TMEM260: variants seen among roughly 807,000 people sequenced by gnomAD.
TMEM260 encodes transmembrane protein 260.
Under a neutral mutation model 88.9 loss-of-function variants are expected in TMEM260, and 82 were observed. The observed-to-expected ratio is 0.92, with a 90% CI of 0.77 to 1.11. The LOEUF is 1.11. Among genes scored for constraint, TMEM260 ranks in the 50% least tolerant of loss-of-function variants. TMEM260 has a pLI of 0.00. For synonymous variants in TMEM260, 314 were observed against 309.3 expected (o/e 1.02, Z -0.16); for missense variants, 902 against 853.4 (o/e 1.06, Z -0.71).
intron 3 of TMEM260, among the ~76,000 whole-genome samples, chr14:56,596,176 T>A (rs2139528139): frequency 6.6e-6 from 1 of 152,146 alleles, no homozygotes; most frequent in South Asian, 2.1e-4. Context: ...AAAATATTTC[T>A]TTCCAAATAA....
intron 3 of TMEM260, among the ~76,000 whole-genome samples, chr14:56,599,244 C>T (rs901269310): frequency 6.6e-6 from 1 of 152,122 alleles, no homozygotes; most frequent in Non-Finnish European, 1.5e-5. Flanking sequence ...TCCTTTTGCC[C>T]TCCTGTCCCT....
Position 56,603,810 on chromosome 14 carries a change from T to G in TMEM260, c.345-5T>G. On this transcript the variant is annotated splice_polypyrimidine_tract_variant and splice_region_variant and intron_variant, in intron 3 of 15. Transcript: ENST00000261556. ...AAGAAGATTTCATGTTATCTGTGTTTGCAGGCTTTCTGGCTCATCTGCTGG... is the reference window on the plus strand; with the variant it reads ...AAGAAGATTTCATGTTATCTGTGTTGGCAGGCTTTCTGGCTCATCTGCTGG... 6.2e-7 allele frequency: 1 copy of G among 1,613,790 alleles called. No individual in the cohort carries two copies. The highest frequency in any genetic ancestry group is 8.5e-7 in the Non-Finnish European group (1 of 1,179,696).
intron 3 of TMEM260, among the ~76,000 whole-genome samples, chr14:56,600,624 A>G (rs1402432521): frequency 6.6e-6 from 1 of 152,210 alleles, no homozygotes; most frequent in Non-Finnish European, 1.5e-5. Context: ...TCCAAACTTC[A>G]GTGAGATGCC....
At chr14:56,650,686 T>G (rs1890189541), downstream of TMEM260, 1 of 152,194 alleles carries the variant, frequency 6.6e-6, no homozygotes, top group Non-Finnish European at 1.5e-5. Context: ...CCATTTTGAG[T>G]GTTAGGTTTA....
At position 56,630,384 on chromosome 14, in the gene TMEM260, A is replaced by G. The variant is rs75295502; in HGVS notation, c.1548-2611A>G. 6.6e-3 allele frequency among the ~76,000 whole-genome samples: 998 copies of G among 152,212 alleles called. 15 individuals are homozygous for G. The highest frequency in any genetic ancestry group is 0.023 in the African/African-American group (942 of 41,562). Reference sequence around the variant, plus strand: ...TTTCTCCTTCTGAGACTCTGATGAAATGAATTTAGACCTTTTGGTATTGTC... The same window carrying G: ...TTTCTCCTTCTGAGACTCTGATGAAGTGAATTTAGACCTTTTGGTATTGTC... On this transcript the variant is annotated intron_variant, in intron 12 of 15. Transcript: ENST00000261556.
intron 3 of TMEM260, among the ~76,000 whole-genome samples, chr14:56,596,425 T>TATAC (rs1490067903): frequency 0.026 from 3,522 of 135,420 alleles, 150 homozygotes; most frequent in African/African-American, 0.078. Flanking sequence ...TATATATATA[T>TATAC]ACATACACAC....
intron 15 of TMEM260, among the ~76,000 whole-genome samples, chr14:56,645,710 C>T (rs1594904714): frequency 6.6e-6 from 1 of 151,862 alleles, no homozygotes; most frequent in East Asian, 1.9e-4. Context: ...CAACAAAAAA[C>T]TTAGTAGGAT....
At chr14:56,638,294 AC>A (rs1486906960) in intron 15 of TMEM260, 27 of 151,702 alleles carry the variant, frequency 1.8e-4, no homozygotes, top group African/African-American at 6.3e-4. Flanking sequence ...GCATCAAAGA[AC>A]CTTTCCAGGC....
intron 3 of TMEM260, among the ~76,000 whole-genome samples, chr14:56,603,443 C>A (rs955978046): frequency 6.6e-6 from 1 of 152,080 alleles, no homozygotes; most frequent in Non-Finnish European, 1.5e-5. Flanking sequence ...TTTTTACAAT[C>A]AAACATTTAG....
Position 56,621,609 on chromosome 14 carries a change from T to C in TMEM260, c.1305T>C (p.Ile435=). ...NLLTSMPHDA[I]ILLRGDLPGN... ...TCACCTCTATGCCTCATGATGCAAT[T>C]ATCTTACTCAGAGGAGATTTGCCAG... Residue 435 remains isoleucine (I), a synonymous_variant, in exon 11 of 16, where the codon ATT becomes ATC. Transcript: ENST00000261556. The C allele has an allele frequency of 6.2e-7, 1 of 1,613,648 alleles. No individual in the cohort carries two copies. The highest frequency in any genetic ancestry group is 8.5e-7 in the Non-Finnish European group (1 of 1,179,778).
intron 15 of TMEM260, among the ~76,000 whole-genome samples, chr14:56,642,881 C>T (rs766885236): frequency 1.6e-4 from 25 of 152,262 alleles, no homozygotes; most frequent in Admixed American, 1.6e-3. Flanking sequence ...ACTATAAACA[C>T]GTCTATGCAA....
In TMEM260 at chr14:56,633,014, A is replaced by T; in HGVS notation, c.1567A>T (p.Ile523Leu). ...CAACAGAAAAGAAACATTTGTTTGC[A>T]TAGGAATTCATGAAGGCGACCCAAC... ...VNKQKETFVCIGIHEGDPTWK... is the reference protein window; with the variant it reads ...VNKQKETFVCLGIHEGDPTWK... Residue 523 changes from isoleucine to leucine, a missense_variant, in exon 13 of 16, where the codon ATA (isoleucine) becomes TTA (leucine). Coordinates refer to ENST00000261556, the MANE Select transcript of TMEM260 (RefSeq NM_017799.4). 6.2e-7 allele frequency: 1 copy of T among 1,613,876 alleles called. No homozygotes were observed. Among genetic ancestry groups the T allele is most frequent in the Non-Finnish European group, 8.5e-7 (1 of 1,179,928 alleles).
intron 5 of TMEM260, among the ~76,000 whole-genome samples, chr14:56,606,059 A>G (rs1273735378): frequency 6.6e-6 from 1 of 152,206 alleles, no homozygotes; most frequent in East Asian, 1.9e-4. Flanking sequence ...CCTGTGCCAT[A>G]TGCTTACTCC....
chr14:56,623,391 G>C (rs759471698), intron 11 of TMEM260, among the ~76,000 whole-genome samples: 1 of 152,056 alleles, frequency 6.6e-6, no homozygotes, highest in African/African-American at 2.4e-5. Flanking sequence ...TTCTTCTGGG[G>C]TATCTCCCTC....
At chr14:56,652,340 A>C (rs1468940681), downstream of TMEM260, among the ~76,000 whole-genome samples, 1 of 152,052 alleles carries the variant, frequency 6.6e-6, no homozygotes, top group Non-Finnish European at 1.5e-5. Flanking sequence ...TACAAAAGAA[A>C]TACAAAAATT....
intron 12 of TMEM260, among the ~76,000 whole-genome samples, chr14:56,627,984 T>C (rs143649952): frequency 3.0e-4 from 46 of 152,332 alleles, no homozygotes; most frequent in African/African-American, 1.0e-3. Flanking sequence ...TTCCTGAGTG[T>C]CATATAAATA....
chr14:56,618,586 TTTC>T lies in TMEM260; in HGVS notation c.1057-7_1057-5del. ...ACTGGACCCACTGGTTGCATGTCTC[TTTC>T]ACAGGTGGAACGATTCTGGATGCAG... On this transcript the variant is annotated splice_polypyrimidine_tract_variant and splice_region_variant and intron_variant, in intron 9 of 15. Coordinates refer to ENST00000261556, the MANE Select transcript of TMEM260 (RefSeq NM_017799.4). 6.2e-7 allele frequency: 1 copy of T among 1,613,190 alleles called. No homozygotes were observed. Among genetic ancestry groups the T allele is most frequent in the South Asian group, 1.1e-5 (1 of 90,772 alleles).
At chr14:56,661,580 G>A in the TMEM260 span, among the ~76,000 whole-genome samples, 3 of 151,766 alleles carry the variant, frequency 2.0e-5, no homozygotes, top group Non-Finnish European at 2.9e-5. Flanking sequence ...AGGGAGGAAG[G>A]GAGGGAAGGA....
intron 15 of TMEM260, among the ~76,000 whole-genome samples, chr14:56,639,165 T>C (rs748037826): frequency 5.9e-5 from 9 of 151,876 alleles, no homozygotes; most frequent in Non-Finnish European, 7.4e-5. Context: ...GGGTGGTGGG[T>C]TGGGGATGGT....
Sources: allele counts gnomAD v4.1 joint callset (sites outside exome capture counted in the v4.1 genomes callset), GRCh38; gene constraint gnomAD v4.1.1; transcripts MANE v1.5; gene names NCBI Gene and HGNC (gene_info 2026-07-23, HGNC 2026-07-21).